REL: variants seen among roughly 807,000 people sequenced by gnomAD.
REL encodes the protein proto-oncogene c-Rel.
Under a neutral mutation model 45.9 loss-of-function variants are expected in REL, and 15 were observed. The ratio of observed to expected loss-of-function variants is 0.33; its 90% CI spans 0.22 to 0.50. REL has a LOEUF of 0.50. REL is among the 20% of genes least tolerant of loss of function. REL has a pLI of 0.98. For missense variants in REL, 601 were observed against 715.2 expected (o/e 0.84, Z 1.82); for synonymous variants, 239 against 242.1 (o/e 0.99, Z 0.12).
chr2:60,891,655 G>A, intron 1 of REL, 28 bp from the exon 2 acceptor site: 1 of 1,565,282 alleles, frequency 6.4e-7, no homozygotes, highest in Non-Finnish European at 8.7e-7. Context: ...TAATCTCACT[G>A]ACCTCCTCCT....
At chr2:60,916,851 T>C in intron 4 of REL, 26 bp from the exon 5 acceptor site, 1 of 1,586,858 alleles carries the variant, frequency 6.3e-7, no homozygotes, top group Non-Finnish European at 8.6e-7. Context: ...ACTATTACAT[T>C]TAAAAAATTT....
chr2:60,903,878 G>A (rs1460071298), intron 4 of REL, among the ~76,000 whole-genome samples: 1 of 151,746 alleles, frequency 6.6e-6, no homozygotes, highest in Admixed American at 6.6e-5. Context: ...TATTCTCCAG[G>A]CTGATTTCAA....
intron 1 of REL, among the ~76,000 whole-genome samples, chr2:60,889,511 C>T (rs542919041): frequency 1.3e-5 from 2 of 152,098 alleles, no homozygotes; most frequent in Admixed American, 6.6e-5. Context: ...ATGTACACAT[C>T]GTGCGGCTTT....
At chr2:60,897,135 A>G (rs917577995) in intron 3 of REL, among the ~76,000 whole-genome samples, 15 of 152,028 alleles carry the variant, frequency 9.9e-5, no homozygotes, top group African/African-American at 2.4e-4. Flanking sequence ...TATTTAATAT[A>G]TTATAGTTAT....
chr2:60,929,834 TAAATA>T lies in REL; in HGVS notation c.*7302_*7306del, dbSNP rs1358715350. On this transcript the variant is annotated 3_prime_UTR_variant, in exon 10 of 10. Transcript: ENST00000394479. ...TAAAGTATAATAAAAAATAAATAAA[TAAATA>T]AATAAGAAAAAGAAAGCCAGGCATG... is the stretch of plus-strand genomic sequence containing the variant. 2.0e-5 allele frequency: 3 copies of T among 151,602 alleles called. No homozygotes were observed. Among genetic ancestry groups the T allele is most frequent in the African/African-American group, 7.3e-5 (3 of 41,352 alleles). 9.4% of individuals were successfully genotyped at this position (151,602 alleles called of 1,614,324 possible).
chr2:60,884,328 TGTAA>T (rs1482349899), intron 1 of REL, among the ~76,000 whole-genome samples: 1 of 151,998 alleles, frequency 6.6e-6, no homozygotes, highest in Non-Finnish European at 1.5e-5. Flanking sequence ...AGCAAAATTA[TGTAA>T]GTTAGAATGT....
intron 1 of REL, among the ~76,000 whole-genome samples, chr2:60,882,189 T>C (rs902493035): frequency 1.3e-5 from 2 of 152,150 alleles, no homozygotes; most frequent in African/African-American, 4.8e-5. Context: ...TTTTATGTTT[T>C]AGAACAGGAA....
At chr2:60,898,379 T>C (rs1673409680) in intron 3 of REL, among the ~76,000 whole-genome samples, 1 of 152,216 alleles carries the variant, frequency 6.6e-6, no homozygotes, top group African/African-American at 2.4e-5. Flanking sequence ...TCTGCTTTCC[T>C]TAATTTTTAT....
At chr2:60,906,087 T>C (rs1022681179) in intron 4 of REL, among the ~76,000 whole-genome samples, 1 of 152,020 alleles carries the variant, frequency 6.6e-6, no homozygotes, top group African/African-American at 2.4e-5. Context: ...ATGAGGAAAA[T>C]GCAAAAGCGG....
chr2:60,928,863 A>G lies in REL; in HGVS notation c.*6328A>G, dbSNP rs2104001878. On this transcript the variant is annotated 3_prime_UTR_variant, in exon 10 of 10. Transcript: ENST00000394479. ...CTAAAGAGCTGCTGCACAGCAAAAGAAACTACCATCAGAGTGAACAGGCAA... is the reference window on the plus strand; with the variant it reads ...CTAAAGAGCTGCTGCACAGCAAAAGGAACTACCATCAGAGTGAACAGGCAA... The G allele has an allele frequency of 1.3e-5, 2 of 150,796 alleles. No individual in the cohort carries two copies. Among genetic ancestry groups the G allele is most frequent in the African/African-American group, 4.8e-5 (2 of 41,374 alleles). The allele number at this position is 150,796 out of a possible 1,614,324, so 9.3% of individuals were successfully genotyped here.
At chr2:60,917,216 T>G (rs1023551928) in intron 5 of REL, among the ~76,000 whole-genome samples, 199 bp downstream of exon 5, 5 of 152,210 alleles carry the variant, frequency 3.3e-5, no homozygotes, top group Non-Finnish European at 7.4e-5. Context: ...GTGCATATTT[T>G]ACCAGTTTCT....
At chr2:60,898,914 CTG>C (rs909163555) in intron 3 of REL, 25 of 152,268 alleles carry the variant, frequency 1.6e-4, no homozygotes, top group African/African-American at 6.0e-4. Context: ...TGTTGAATGT[CTG>C]TGAATGAATG....
chr2:60,925,677 A>G lies in REL; in HGVS notation c.*3142A>G. 2 of 189,696 alleles carry G rather than the reference A, an allele frequency of 1.1e-5. No homozygotes were observed. Among genetic ancestry groups the G allele is most frequent in the Non-Finnish European group, 2.2e-5 (2 of 92,270 alleles). 11.8% of individuals were successfully genotyped at this position (189,696 alleles called of 1,614,324 possible). A position where few individuals can be genotyped will look rare whatever the true frequency, so the allele number is the denominator to read the frequency against. Reference sequence around the variant, plus strand: ...GAACCCAGGATGTCTCTAGATGATGATGGATGATAGGTGGGGAGATTTTTT... The same window carrying G: ...GAACCCAGGATGTCTCTAGATGATGGTGGATGATAGGTGGGGAGATTTTTT... On this transcript the variant is annotated 3_prime_UTR_variant, in exon 10 of 10. Transcript: ENST00000394479.
At position 60,922,327 on chromosome 2, in the gene REL, A is replaced by G. The variant is rs146672254; in HGVS notation, c.1556A>G (p.Asn519Ser). The change falls in exon 10 of 10, where the codon AAT becomes AGT. Residue 519 changes from asparagine to serine, a missense_variant. Asn to Ser is a conservative substitution (Grantham distance 46, BLOSUM62 1). Transcript: ENST00000394479. Reference sequence around the variant, plus strand: ...AGTATGTCAGCAGGCGCCAATTCCAATACTACTGTTTTTGTTTCACAATCA... The same window carrying G: ...AGTATGTCAGCAGGCGCCAATTCCAGTACTACTGTTTTTGTTTCACAATCA... ...SSSMSAGANS[N>S]TTVFVSQSDA... 3.3e-5 allele frequency: 54 copies of G among 1,614,154 alleles called. No homozygotes were observed. The East Asian group carries it at 8.0e-4, about 24-fold the overall frequency.
chr2:60,906,646 A>G (rs1015888181), intron 4 of REL, among the ~76,000 whole-genome samples: 4 of 151,982 alleles, frequency 2.6e-5, no homozygotes, highest in Non-Finnish European at 5.9e-5. Context: ...GTTCTGAACT[A>G]TCTGCACTGT....
intron 4 of REL, among the ~76,000 whole-genome samples, chr2:60,907,433 G>T (rs761013530): frequency 6.6e-6 from 1 of 151,736 alleles, no homozygotes; most frequent in Non-Finnish European, 1.5e-5. Flanking sequence ...GATCACTTGA[G>T]TCTAGTTCGA....
Position 60,926,715 on chromosome 2 carries a change from C to A in REL, c.*4180C>A. The A allele has an allele frequency of 4.4e-6, 1 of 227,666 alleles. No individual in the cohort carries two copies. Among genetic ancestry groups the A allele is most frequent in the Non-Finnish European group, 8.7e-6 (1 of 114,488 alleles). 14.1% of individuals were successfully genotyped at this position (227,666 alleles called of 1,614,324 possible). A position where few individuals can be genotyped will look rare whatever the true frequency, so the allele number is the denominator to read the frequency against. On this transcript the variant is annotated 3_prime_UTR_variant, in exon 10 of 10. Transcript: ENST00000394479. ...ATGGCATTACCATTTACCACGCCACCCAAGATACTTACTAGGAACCTCAAA... is the reference window on the plus strand; with the variant it reads ...ATGGCATTACCATTTACCACGCCACACAAGATACTTACTAGGAACCTCAAA...
intron 4 of REL, among the ~76,000 whole-genome samples, chr2:60,904,527 C>T (rs990759254): frequency 1.3e-5 from 2 of 151,344 alleles, no homozygotes; most frequent in Non-Finnish European, 2.9e-5. Context: ...GCCGAGATCA[C>T]GCCATTGGAC....
chr2:60,914,981 G>A (rs1405071744), intron 4 of REL, among the ~76,000 whole-genome samples: 2 of 151,834 alleles, frequency 1.3e-5, no homozygotes, highest in Admixed American at 1.3e-4. Flanking sequence ...ATAGGCGCCC[G>A]CCACCACGCC....
Sources: gnomAD v4.1 joint callset for allele counts (sites outside exome capture counted in the v4.1 genomes callset) on GRCh38, gnomAD v4.1.1 for gene constraint, MANE v1.5 for transcripts, NCBI Gene and HGNC (gene_info 2026-07-23, HGNC 2026-07-21) for gene names.